The following FAM168A variants were observed in gnomAD, a reference collection of about 807,000 sequenced individuals.
FAM168A encodes family with sequence similarity 168 member A.
A neutral mutation model predicts 28.5 loss-of-function variants in FAM168A; 3 were observed. That is an observed-to-expected ratio of 0.11 (90% CI 0.05 to 0.27). The LOEUF (loss-of-function observed/expected upper bound fraction) is 0.27, where lower values mean the gene tolerates loss of function less well. FAM168A is among the 10% of genes least tolerant of loss of function. The pLI is 1.00. For synonymous variants in FAM168A, 122 were observed against 124.2 expected, an observed-to-expected ratio of 0.98 and a Z score of 0.12; for missense variants, 222 against 311.5, an observed-to-expected ratio of 0.71 and a Z score of 2.16.
intron 1 of FAM168A, among the ~76,000 whole-genome samples, chr11:73,554,954 T>C (rs1390939720): frequency 6.6e-6 from 1 of 152,106 alleles, no homozygotes; most frequent in Admixed American, 6.6e-5. Context: ...TCAATTACCA[T>C]ATAGCGTGAC....
chr11:73,463,157 C>A (rs868321660), intron 2 of FAM168A, among the ~76,000 whole-genome samples: 1 of 151,340 alleles, frequency 6.6e-6, no homozygotes, highest in Non-Finnish European at 1.5e-5. Context: ...TTAGTAGAGA[C>A]GGGGTTTTGC....
At position 73,496,253 on chromosome 11, in the gene FAM168A, G is replaced by C. The variant is rs530266401; in HGVS notation, c.-18-27761C>G. Among the ~76,000 whole-genome samples, 4 of 152,272 alleles carry C rather than the reference G, an allele frequency of 2.6e-5. No homozygotes were observed. In the East Asian group the frequency reaches 7.7e-4, roughly 29 times the overall value. ...TACTGCATGATTCCACTTATATGAC[G>C]TATCCAAAGAAGTTAAACTCTTAGA... On this transcript the variant is annotated intron_variant, in intron 1 of 7. Coordinates refer to ENST00000356467, the MANE Select transcript of FAM168A (RefSeq NM_015159.3).
intron 2 of FAM168A, among the ~76,000 whole-genome samples, chr11:73,442,983 T>TATATAC (rs374368592): frequency 8.4e-6 from 1 of 119,222 alleles, no homozygotes; most frequent in Non-Finnish European, 1.7e-5. Flanking sequence ...TATATATATA[T>TATATAC]ATATATATAT....
At chr11:73,492,742 G>A (rs12288934) in intron 1 of FAM168A, among the ~76,000 whole-genome samples, 8,328 of 152,186 alleles carry the variant, frequency 0.055, 711 homozygotes, top group African/African-American at 0.18. Flanking sequence ...AATAAGATAC[G>A]GTTTGCCCTT....
intron 2 of FAM168A, among the ~76,000 whole-genome samples, chr11:73,446,112 T>C (rs1346611554): frequency 6.6e-6 from 1 of 152,248 alleles, no homozygotes; most frequent in African/African-American, 2.4e-5. Context: ...CTGTGTACTC[T>C]GTGGGATTGA....
rs138197469 is a variant in FAM168A, at chr11:73,487,531, A to G, written c.-18-19039T>C. ...CCTTAAAGATTGTGGCTCCTAGCTC[A>G]CTGTCATTCTCTCTAATATATTCTT... On this transcript the variant is annotated intron_variant, in intron 1 of 7. Coordinates refer to ENST00000356467, the MANE Select transcript of FAM168A (RefSeq NM_015159.3). Among the ~76,000 whole-genome samples the G allele has an allele frequency of 1.3e-5, 2 of 152,226 alleles. 1 individual carries two copies. Among genetic ancestry groups the G allele is most frequent in the East Asian group, 3.9e-4 (2 of 5,188 alleles).
At chr11:73,507,198 C>T (rs911436371) in intron 1 of FAM168A, among the ~76,000 whole-genome samples, 12 of 152,272 alleles carry the variant, frequency 7.9e-5, no homozygotes, top group African/African-American at 2.6e-4. Context: ...TAATTGTGTT[C>T]ATATCTTTTT....
chr11:73,548,584 C>G (rs1018912071), intron 1 of FAM168A, among the ~76,000 whole-genome samples: 1 of 152,208 alleles, frequency 6.6e-6, no homozygotes, highest in Admixed American at 6.5e-5. Flanking sequence ...TCTCCCCACT[C>G]CCAGAACTGA....
chr11:73,446,006 G>A (rs2134539124), intron 2 of FAM168A, among the ~76,000 whole-genome samples: 1 of 152,172 alleles, frequency 6.6e-6, no homozygotes, highest in South Asian at 2.1e-4. Context: ...ATGAAGGTAG[G>A]GAAATATCTG....
At chr11:73,479,333 T>C (rs1867935031) in intron 1 of FAM168A, among the ~76,000 whole-genome samples, 1 of 152,220 alleles carries the variant, frequency 6.6e-6, no homozygotes, top group South Asian at 2.1e-4. Context: ...TACTGTTATA[T>C]GTAGCTGAAC....
At chr11:73,562,014 C>G (rs772617093) in intron 1 of FAM168A, among the ~76,000 whole-genome samples, 49 of 152,140 alleles carry the variant, frequency 3.2e-4, no homozygotes, top group Non-Finnish European at 5.7e-4. Flanking sequence ...GCAATCTCAG[C>G]TCACTGCAAC....
chr11:73,565,917 A>C (rs1944016042), intron 1 of FAM168A, among the ~76,000 whole-genome samples: 1 of 152,232 alleles, frequency 6.6e-6, no homozygotes, highest in African/African-American at 2.4e-5. Flanking sequence ...AACTTCCACA[A>C]GCCAGTGGCA....
At chr11:73,505,553 C>A (rs988131261) in intron 1 of FAM168A, among the ~76,000 whole-genome samples, 6 of 151,926 alleles carry the variant, frequency 3.9e-5, no homozygotes, top group Non-Finnish European at 8.8e-5. Flanking sequence ...AAAGTAAGGA[C>A]TATTAGTGAT....
intron 1 of FAM168A, among the ~76,000 whole-genome samples, chr11:73,566,782 T>G (rs1944024879): frequency 6.6e-6 from 1 of 152,196 alleles, no homozygotes; most frequent in Non-Finnish European, 1.5e-5. Flanking sequence ...TATTACAAAT[T>G]ATTACTATAA....
intron 1 of FAM168A, among the ~76,000 whole-genome samples, chr11:73,554,876 G>A (rs1450695301): frequency 1.3e-5 from 2 of 152,188 alleles, no homozygotes; most frequent in Non-Finnish European, 2.9e-5. Flanking sequence ...GAAACTTGAT[G>A]GGTGAAGAAG....
intron 1 of FAM168A, among the ~76,000 whole-genome samples, chr11:73,575,972 C>T (rs1318787709): frequency 6.6e-6 from 1 of 152,148 alleles, no homozygotes; most frequent in Non-Finnish European, 1.5e-5. Context: ...CCTGCCAAAA[C>T]ATGCACATGA....
intron 2 of FAM168A, among the ~76,000 whole-genome samples, chr11:73,447,030 A>G (rs939572440): frequency 6.6e-6 from 1 of 152,206 alleles, no homozygotes; most frequent in Non-Finnish European, 1.5e-5. Context: ...GGCATTTTAC[A>G]CTTCAACAAC....
chr11:73,458,063 CTAA>C (rs1165387957), intron 2 of FAM168A, among the ~76,000 whole-genome samples: 1 of 152,076 alleles, frequency 6.6e-6, no homozygotes, highest in East Asian at 1.9e-4. Flanking sequence ...TTTGTATAAA[CTAA>C]TAATAATTTA....
chr11:73,525,271 T>G (rs954426986), intron 1 of FAM168A, among the ~76,000 whole-genome samples: 1 of 152,174 alleles, frequency 6.6e-6, no homozygotes, highest in African/African-American at 2.4e-5. Flanking sequence ...ATTGCTAAGT[T>G]TCACTGTAAC....
Sources: allele counts gnomAD v4.1 joint callset (sites outside exome capture counted in the v4.1 genomes callset), GRCh38; gene constraint gnomAD v4.1.1; transcripts MANE v1.5; gene names NCBI Gene and HGNC (gene_info 2026-07-23, HGNC 2026-07-21).